The following FHIT variants were observed in gnomAD, a reference collection of about 807,000 sequenced individuals.
The protein encoded by FHIT is bis(5'-adenosyl)-triphosphatase.
In FHIT, 19 loss-of-function variants were observed where a neutral mutation model predicts 17.9. The ratio of observed to expected loss-of-function variants is 1.06; its 90% CI spans 0.74 to 1.56. The LOEUF (loss-of-function observed/expected upper bound fraction) is 1.56, where lower values mean the gene tolerates loss of function less well. Among genes scored for constraint, FHIT ranks in the 40% most tolerant of loss-of-function variants. The probability of loss-of-function intolerance (pLI) is 0.00; values close to 1 mark genes in which losing one functional copy is unlikely to be tolerated. For missense variants in FHIT, 248 were observed against 189.2 expected (o/e 1.31, Z -1.82); for synonymous variants, 81 against 69.7 (o/e 1.16, Z -0.81).
At chr3:60,795,244 AATTAAC>A (rs1427880360) in intron 4 of FHIT, among the ~76,000 whole-genome samples, 1 of 152,190 alleles carries the variant, frequency 6.6e-6, no homozygotes, top group African/African-American at 2.4e-5. Context: ...TTTTAAATAG[AATTAAC>A]ATTATCAGTT....
chr3:60,620,925 G>C (rs2039106468), intron 4 of FHIT, among the ~76,000 whole-genome samples: 1 of 152,066 alleles, frequency 6.6e-6, no homozygotes, highest in Admixed American at 6.6e-5. Flanking sequence ...TGCACTCGTT[G>C]CTCAATTTTT....
intron 5 of FHIT, among the ~76,000 whole-genome samples, chr3:60,342,626 C>A (rs73104914): frequency 0.15 from 22,256 of 151,990 alleles, 1,688 homozygotes; most frequent in Non-Finnish European, 0.16. Flanking sequence ...TCAAGTAAAG[C>A]ATGAAGACTT....
chr3:59,985,447 G>C (rs1708852793), intron 7 of FHIT, among the ~76,000 whole-genome samples: 3 of 152,070 alleles, frequency 2.0e-5, no homozygotes, highest in Non-Finnish European at 2.9e-5. Flanking sequence ...CGTGGTCTAA[G>C]GACCAGTTAT....
At chr3:60,923,213 C>T (rs1339338928) in intron 3 of FHIT, among the ~76,000 whole-genome samples, 2 of 152,188 alleles carry the variant, frequency 1.3e-5, no homozygotes, top group Non-Finnish European at 2.9e-5. Flanking sequence ...TCAAGTTTCT[C>T]CACAAACGTT....
At chr3:60,484,247 C>A (rs1176854142) in intron 5 of FHIT, among the ~76,000 whole-genome samples, 2 of 152,116 alleles carry the variant, frequency 1.3e-5, no homozygotes, top group Non-Finnish European at 2.9e-5. Flanking sequence ...CCATACTGCC[C>A]AAAGTAATTT....
intron 5 of FHIT, among the ~76,000 whole-genome samples, chr3:60,439,817 A>C (rs2030631394): frequency 6.6e-6 from 1 of 152,112 alleles, no homozygotes; most frequent in South Asian, 2.1e-4. Context: ...TCAAGAAACA[A>C]AAGATGCAAG....
intron 5 of FHIT, among the ~76,000 whole-genome samples, chr3:60,524,091 G>A (rs2035479439): frequency 6.6e-6 from 1 of 151,998 alleles, no homozygotes; most frequent in Admixed American, 6.6e-5. Flanking sequence ...AATATTTACT[G>A]AACACCTCCT....
intron 7 of FHIT, among the ~76,000 whole-genome samples, chr3:60,006,488 A>G (rs1457738717): frequency 6.6e-6 from 1 of 152,116 alleles, no homozygotes; most frequent in Non-Finnish European, 1.5e-5. Context: ...ACGAGGTCCA[A>G]GGGCCATGAT....
chr3:61,172,186 A>G (rs761244097), intron 2 of FHIT, among the ~76,000 whole-genome samples: 5 of 152,206 alleles, frequency 3.3e-5, no homozygotes, highest in African/African-American at 4.8e-5. Flanking sequence ...TATATATAGT[A>G]TATGTACTCA....
intron 2 of FHIT, among the ~76,000 whole-genome samples, chr3:61,182,024 T>C (rs28649296): frequency 0.097 from 14,728 of 152,226 alleles, 754 homozygotes; most frequent in Non-Finnish European, 0.11. Flanking sequence ...ATCCTGGGGC[T>C]ACATGCTCCA....
rs2041874149 is a variant in FHIT, at chr3:60,724,509, T to A, written c.-18+97410A>T. Among the ~76,000 whole-genome samples, 5 of 152,320 alleles carry A rather than the reference T, an allele frequency of 3.3e-5. No homozygotes were observed. In the South Asian group the frequency reaches 1.0e-3, roughly 32 times the overall value. On this transcript the variant is annotated intron_variant, in intron 4 of 9. Transcript: ENST00000492590. The stretch of plus-strand genomic sequence containing the variant: ...TGAATAGCTACCTAAGTGTGGAATT[T>A]CTGGGTCATACATATGTTTAACTTT...
chr3:59,818,359 T>G (rs958311159), intron 8 of FHIT, among the ~76,000 whole-genome samples: 26 of 152,006 alleles, frequency 1.7e-4, no homozygotes, highest in African/African-American at 6.3e-4. Flanking sequence ...GGGTGCCCAC[T>G]CCTAAGTGGG....
chr3:60,573,989 T>C (rs2037478494), intron 4 of FHIT, among the ~76,000 whole-genome samples: 1 of 152,002 alleles, frequency 6.6e-6, no homozygotes, highest in Admixed American at 6.6e-5. Flanking sequence ...TTTGTACTTT[T>C]AGTAGAGACA....
At chr3:61,106,866 G>A (rs983123414) in intron 2 of FHIT, among the ~76,000 whole-genome samples, 4 of 152,096 alleles carry the variant, frequency 2.6e-5, no homozygotes, top group East Asian at 3.9e-4. Flanking sequence ...TCATCATATC[G>A]GACAGGCTGG....
At chr3:60,490,468 C>A (rs1420065549) in intron 5 of FHIT, among the ~76,000 whole-genome samples, 1 of 151,850 alleles carries the variant, frequency 6.6e-6, no homozygotes, top group Admixed American at 6.6e-5. Flanking sequence ...CCATAATTAT[C>A]TCCATTTTAC....
At chr3:60,187,901 T>G (rs543599207) in intron 5 of FHIT, among the ~76,000 whole-genome samples, 1 of 152,270 alleles carries the variant, frequency 6.6e-6, no homozygotes, top group East Asian at 1.9e-4. Flanking sequence ...AAAATTACAA[T>G]TCTACCTATT....
At chr3:60,331,650 C>T (rs1709983637) in intron 5 of FHIT, among the ~76,000 whole-genome samples, 1 of 151,996 alleles carries the variant, frequency 6.6e-6, no homozygotes, top group Admixed American at 6.6e-5. Flanking sequence ...AATTCAAGAC[C>T]AGCCTGACCA....
At chr3:60,438,336 G>C (rs1242754482) in intron 5 of FHIT, among the ~76,000 whole-genome samples, 1 of 151,392 alleles carries the variant, frequency 6.6e-6, no homozygotes, top group East Asian at 2.0e-4. Context: ...CTGCACATGT[G>C]CGTCCAGACG....
At chr3:60,501,441 G>T (rs144070493) in intron 5 of FHIT, among the ~76,000 whole-genome samples, 2 of 152,062 alleles carry the variant, frequency 1.3e-5, no homozygotes, top group African/African-American at 4.8e-5. Flanking sequence ...CCACATTTAC[G>T]CCAGCTCTTC....
Sources: allele counts gnomAD v4.1 joint callset (sites outside exome capture counted in the v4.1 genomes callset), GRCh38; gene constraint gnomAD v4.1.1; transcripts MANE v1.5; gene names NCBI Gene and HGNC (gene_info 2026-07-23, HGNC 2026-07-21).